The following EEPD1 variants were observed in gnomAD, a reference collection of about 807,000 sequenced individuals.
The protein encoded by EEPD1 is endonuclease/exonuclease/phosphatase family domain containing 1.
EEPD1 carries 17 observed loss-of-function variants against 46.3 expected under a neutral mutation model. That is an observed-to-expected ratio of 0.37 (90% CI 0.25 to 0.55). EEPD1 has a LOEUF of 0.55. Among genes scored for constraint, EEPD1 ranks in the 20% least tolerant of loss-of-function variants. EEPD1 has a pLI of 0.83. For synonymous variants in EEPD1, 313 were observed against 315.6 expected (o/e 0.99, Z 0.09); for missense variants, 673 against 745.6 (o/e 0.90, Z 1.13).
chr7:36,177,839 G>T lies in EEPD1; in HGVS notation c.878+22637G>T, dbSNP rs183107475. On this transcript the variant is annotated intron_variant, in intron 2 of 7. Transcript: ENST00000242108. ...AGCAATTCTCCTGCCTCAACCTCCC[G>T]AGTAGCTAGGATTACGGGTGCGCAC... 7.9e-5 allele frequency among the ~76,000 whole-genome samples: 12 copies of T among 152,152 alleles called. No individual in the cohort carries two copies. In the East Asian group the frequency reaches 2.1e-3, roughly 27 times the overall value.
At chr7:36,239,562 C>T (rs1402557571) in intron 3 of EEPD1, among the ~76,000 whole-genome samples, 1 of 152,132 alleles carries the variant, frequency 6.6e-6, no homozygotes, top group African/African-American at 2.4e-5. Context: ...GTTTTTATCT[C>T]TTTTTAGGCT....
intron 2 of EEPD1, among the ~76,000 whole-genome samples, chr7:36,180,773 C>T (rs1785258851): frequency 6.6e-6 from 1 of 152,116 alleles, no homozygotes; most frequent in African/African-American, 2.4e-5. Flanking sequence ...TGCTCTGTGC[C>T]CGCTGGGACA....
chr7:36,297,999 G>A (rs905901380), intron 7 of EEPD1, among the ~76,000 whole-genome samples: 3 of 152,196 alleles, frequency 2.0e-5, no homozygotes, highest in Admixed American at 6.5e-5. Context: ...AGACTAATGG[G>A]CAGCCAAGGC....
intron 2 of EEPD1, among the ~76,000 whole-genome samples, chr7:36,160,600 G>C (rs1178292670): frequency 6.6e-6 from 1 of 151,494 alleles, no homozygotes; most frequent in Non-Finnish European, 1.5e-5. Context: ...GTAACAGCAG[G>C]AGGAGGCCAC....
chr7:36,157,819 C>T (rs557627611), intron 2 of EEPD1, among the ~76,000 whole-genome samples: 2 of 152,254 alleles, frequency 1.3e-5, no homozygotes, highest in South Asian at 4.1e-4. Flanking sequence ...CAAAAGCTGT[C>T]ACAGAGTAGA....
rs920301736 is a variant in EEPD1, at chr7:36,246,094, T to G, written c.930+7058T>G. Among the ~76,000 whole-genome samples the G allele has an allele frequency of 3.3e-5, 5 of 152,264 alleles. No individual in the cohort carries two copies. In the South Asian group the frequency reaches 8.3e-4, roughly 25 times the overall value. On this transcript the variant is annotated intron_variant, in intron 3 of 7. Transcript: ENST00000242108. ...CAATAGTTTGGCCGGTCATTCCAGC[T>G]GGACCGTGGTAGGACCAGAGGGCGG...
rs1435015721 is a variant in EEPD1, at chr7:36,239,049, C to T, written c.930+13C>T. 5 of 1,610,740 alleles carry T rather than the reference C, an allele frequency of 3.1e-6. No homozygotes were observed. The Admixed American group carries it at 8.5e-5, about 27-fold the overall frequency. ...GGCCTTGGAAAAGGTAAATATTTTA[C>T]TCTTCCTTCCACATTCACAAACCAA... On this transcript the variant is annotated intron_variant, in intron 3 of 7. Transcript: ENST00000242108.
chr7:36,208,137 A>G (rs1404641693), intron 2 of EEPD1, among the ~76,000 whole-genome samples: 2 of 152,282 alleles, frequency 1.3e-5, no homozygotes, highest in South Asian at 4.1e-4. Flanking sequence ...CAACAGGACC[A>G]GGTTACTTGA....
chr7:36,285,700 A>C (rs1440222548), intron 5 of EEPD1, among the ~76,000 whole-genome samples: 1 of 152,158 alleles, frequency 6.6e-6, no homozygotes, highest in Non-Finnish European at 1.5e-5. Context: ...CCTCCTGGGC[A>C]TGGAGACCCC....
rs929639 is a variant in EEPD1, at chr7:36,225,950, A to G, written c.879-13035A>G. The stretch of plus-strand genomic sequence containing the variant: ...AAAATTCATTTTAAAGACATGTCTT[A>G]GATGCTCAAGAGTTAAAACAGAGCT... On this transcript the variant is annotated intron_variant, in intron 2 of 7. Coordinates refer to ENST00000242108, the MANE Select transcript of EEPD1 (RefSeq NM_030636.3). The surrounding 1 kb of genome is among the most constrained non-coding windows in gnomAD (Gnocchi z 4.2). Among the ~76,000 whole-genome samples, 149,240 of 152,276 alleles carry G rather than the reference A, an allele frequency of 0.98. 73,206 individuals are homozygous for G. The highest frequency in any genetic ancestry group is 1 in the East Asian group (5,188 of 5,188).
intron 2 of EEPD1, chr7:36,230,987 G>A (rs1388445735): frequency 1.3e-5 from 2 of 152,232 alleles, no homozygotes; most frequent in East Asian, 3.8e-4. Context: ...GAGCCAGGGT[G>A]AATCCTGACT....
intron 2 of EEPD1, among the ~76,000 whole-genome samples, chr7:36,157,047 A>G (rs1002296423): frequency 6.6e-6 from 1 of 152,248 alleles, no homozygotes; most frequent in African/African-American, 2.4e-5. Context: ...ACAATCCAGT[A>G]TGGTAACTAT....
In EEPD1 at chr7:36,230,378, G is replaced by C. The variant is rs547798275; in HGVS notation, c.879-8607G>C. ...AATTATTTGTGACTACTCCTTGCCAGACTCCTTGATGTGGCTTGACAGACC... is the reference window on the plus strand; with the variant it reads ...AATTATTTGTGACTACTCCTTGCCACACTCCTTGATGTGGCTTGACAGACC... On this transcript the variant is annotated intron_variant, in intron 2 of 7. Transcript: ENST00000242108. Among the ~76,000 whole-genome samples, 4 of 152,062 alleles carry C rather than the reference G, an allele frequency of 2.6e-5. No homozygotes were observed. The South Asian group carries it at 8.3e-4, about 32-fold the overall frequency.
At chr7:36,267,138 A>G (rs1787032015) in intron 3 of EEPD1, among the ~76,000 whole-genome samples, 1 of 152,146 alleles carries the variant, frequency 6.6e-6, no homozygotes, top group South Asian at 2.1e-4. Flanking sequence ...CTCCCAGTCA[A>G]GCTACTCACC....
At chr7:36,254,205 G>A (rs1339809689) in intron 3 of EEPD1, among the ~76,000 whole-genome samples, 1 of 152,090 alleles carries the variant, frequency 6.6e-6, no homozygotes, top group Admixed American at 6.6e-5. Flanking sequence ...AGGTATACAT[G>A]TGCCATGGTG....
chr7:36,212,112 T>C (rs765231993), intron 2 of EEPD1, among the ~76,000 whole-genome samples: 16 of 152,052 alleles, frequency 1.1e-4, no homozygotes, highest in Non-Finnish European at 2.1e-4. Flanking sequence ...AGGAAAGATA[T>C]AGAACCTGCA....
In EEPD1 at chr7:36,299,557, G is replaced by T. The variant is rs1286303675; in HGVS notation, c.*351G>T. The stretch of plus-strand genomic sequence containing the variant: ...AGGGAGGAGAAGAAGGGGTGCTCAG[G>T]CTGCGGGCCACAGTCCAGCAGCGCC... On this transcript the variant is annotated 3_prime_UTR_variant, in exon 8 of 8. Transcript: ENST00000242108. 5 of 304,316 alleles carry T rather than the reference G, an allele frequency of 1.6e-5. No individual in the cohort carries two copies. Among genetic ancestry groups the T allele is most frequent in the Non-Finnish European group, 2.5e-5 (4 of 160,960 alleles). The allele number at this position is 304,316 out of a possible 1,614,324, so 18.9% of individuals were successfully genotyped here.
chr7:36,249,930 T>C (rs1272423046), intron 3 of EEPD1, among the ~76,000 whole-genome samples: 1 of 152,072 alleles, frequency 6.6e-6, no homozygotes, highest in Admixed American at 6.6e-5. Flanking sequence ...ATCAAAAAAA[T>C]ATTTAAGGCC....
intron 2 of EEPD1, among the ~76,000 whole-genome samples, chr7:36,156,995 G>A (rs1784835764): frequency 6.6e-6 from 1 of 151,988 alleles, no homozygotes; most frequent in Admixed American, 6.6e-5. Context: ...AAAAAGTTGT[G>A]TCTATACTGA....
Sources: gnomAD v4.1 joint callset for allele counts (sites outside exome capture counted in the v4.1 genomes callset) on GRCh38, gnomAD v4.1.1 for gene constraint, Gnocchi (gnomAD v3.1) non-coding constraint, MANE v1.5 for transcripts, NCBI Gene and HGNC (gene_info 2026-07-23, HGNC 2026-07-21) for gene names.